KIAA0825: variants seen among roughly 807,000 people sequenced by gnomAD.
The protein encoded by KIAA0825 is uncharacterized protein KIAA0825.
KIAA0825 carries 119 observed loss-of-function variants against 147.6 expected under a neutral mutation model. The observed-to-expected ratio is 0.81, with a 90% CI of 0.69 to 0.94. The LOEUF (loss-of-function observed/expected upper bound fraction) is 0.94. Among genes scored for constraint, KIAA0825 ranks in the 40% least tolerant of loss-of-function variants. The pLI is 0.00. For missense variants in KIAA0825, 1,381 were observed against 1,472.7 expected, an observed-to-expected ratio of 0.94 and a Z score of 1.02; for synonymous variants, 470 against 518.1, an observed-to-expected ratio of 0.91 and a Z score of 1.26.
rs1197742824 is a variant in KIAA0825 at position 94,473,384 on chromosome 5, C to T, written c.1363G>A (p.Val455Met). The T allele has an allele frequency of 6.4e-7, 1 of 1,552,048 alleles. No individual in the cohort carries two copies. The highest frequency in any genetic ancestry group is 2.0e-5 in the Admixed American group (1 of 51,014). ...TTTACAAGGTTCATAGCATAGCTCA[C>T]AGCTGAAGACCTTTCATTCTGTTCC... Reference protein sequence around the residue: ...QQEQNERSSAVSYAMNLVNVQ... With the variant: ...QQEQNERSSAMSYAMNLVNVQ... Residue 455 changes from valine to methionine, a missense_variant, in exon 8 of 21, where the codon GTG (valine) becomes ATG (methionine). By Grantham distance (21) the Val-to-Met change is conservative (BLOSUM62 1). Transcript: ENST00000682413.
At chr5:94,529,722 T>C (rs948969215) in intron 3 of KIAA0825, among the ~76,000 whole-genome samples, 8 of 152,150 alleles carry the variant, frequency 5.3e-5, no homozygotes, top group Admixed American at 1.3e-4. Flanking sequence ...GTGTTACTTT[T>C]ATAATGCAAA....
intron 5 of KIAA0825, among the ~76,000 whole-genome samples, chr5:94,493,991 C>T (rs1207773741): frequency 6.6e-6 from 1 of 152,116 alleles, no homozygotes; most frequent in Non-Finnish European, 1.5e-5. Context: ...GGGGTCCAGA[C>T]AGTAAATATC....
intron 1 of KIAA0825, among the ~76,000 whole-genome samples, chr5:94,586,737 A>G (rs1450720974): frequency 6.6e-6 from 1 of 152,150 alleles, no homozygotes. Flanking sequence ...GAGACCCAAC[A>G]AAAAAAGAGA....
intron 14 of KIAA0825, among the ~76,000 whole-genome samples, chr5:94,429,698 C>A (rs931406023): frequency 6.6e-6 from 1 of 152,184 alleles, no homozygotes; most frequent in Non-Finnish European, 1.5e-5. Context: ...AAGGTGGAGC[C>A]AGACCAGGCA....
chr5:94,417,639 CA>C (rs1753638024), intron 14 of KIAA0825, among the ~76,000 whole-genome samples: 1 of 152,124 alleles, frequency 6.6e-6, no homozygotes, highest in African/African-American at 2.4e-5. Flanking sequence ...CTTCAAAGGT[CA>C]ACGCTAGTTT....
chr5:94,192,489 G>A (rs1473363862), intron 20 of KIAA0825, among the ~76,000 whole-genome samples: 2 of 152,116 alleles, frequency 1.3e-5, no homozygotes, highest in East Asian at 3.9e-4. Flanking sequence ...TTTATAGATT[G>A]TTATTTTGAG....
At chr5:94,217,650 A>G (rs911213938) in intron 20 of KIAA0825, among the ~76,000 whole-genome samples, 3 of 152,224 alleles carry the variant, frequency 2.0e-5, no homozygotes, top group Non-Finnish European at 2.9e-5. Context: ...ACCAGGGCAG[A>G]GAAGATAGAA....
chr5:94,364,803 T>C (rs573592944), intron 20 of KIAA0825, among the ~76,000 whole-genome samples: 1 of 152,276 alleles, frequency 6.6e-6, no homozygotes, highest in East Asian at 1.9e-4. Context: ...TTCCTTTTAA[T>C]GAAAAGCAGC....
intron 20 of KIAA0825, among the ~76,000 whole-genome samples, chr5:94,201,501 G>T (rs1771686624): frequency 6.6e-6 from 1 of 152,008 alleles, no homozygotes; most frequent in East Asian, 1.9e-4. Flanking sequence ...TTGATCCTTT[G>T]TGCTCAAGTG....
intron 20 of KIAA0825, among the ~76,000 whole-genome samples, chr5:94,345,608 T>C (rs922224509): frequency 2.8e-4 from 42 of 152,194 alleles, no homozygotes; most frequent in African/African-American, 9.9e-4. Flanking sequence ...TAAAAGTTTA[T>C]GGATAAATAT....
At position 94,386,381 on chromosome 5, in the gene KIAA0825, A is replaced by G. The variant is rs767025785; in HGVS notation, c.3480T>C (p.Phe1160=). The G allele has an allele frequency of 1.3e-6, 2 of 1,549,476 alleles. No homozygotes were observed. The highest frequency in any genetic ancestry group is 2.7e-5 in the African/African-American group (2 of 72,906). Residue 1160 remains phenylalanine (F), a synonymous_variant, in exon 19 of 21, where the codon TTT becomes TTC. Coordinates refer to ENST00000682413, the MANE Select transcript of KIAA0825 (RefSeq NM_001145678.3). ...LNEEYLKEQL[F]SMNSSEEKPL... ...GCTTTTCCTCTGAACTATTCATAGA[A>G]AACAGCTGTTCTTTTAAATATTCCT...
chr5:94,156,988 T>TAA (rs71615117), intron 20 of KIAA0825, among the ~76,000 whole-genome samples: 1 of 149,308 alleles, frequency 6.7e-6, no homozygotes, highest in African/African-American at 2.5e-5. Flanking sequence ...TCAATTCTGT[T>TAA]AAAAAAAAAA....
chr5:94,456,008 A>C (rs1333714922), intron 12 of KIAA0825, among the ~76,000 whole-genome samples: 1 of 152,122 alleles, frequency 6.6e-6, no homozygotes, highest in Non-Finnish European at 1.5e-5. Context: ...AGAGCTAGGA[A>C]AGGGAGGGTG....
intron 2 of KIAA0825, among the ~76,000 whole-genome samples, chr5:94,573,933 C>T (rs1237778235): frequency 6.6e-6 from 1 of 152,156 alleles, no homozygotes; most frequent in Non-Finnish European, 1.5e-5. Flanking sequence ...CCCCAGACCT[C>T]TTAGAAATTT....
chr5:94,468,763 C>T (rs1463079578), intron 10 of KIAA0825, among the ~76,000 whole-genome samples: 1 of 152,112 alleles, frequency 6.6e-6, no homozygotes, highest in Non-Finnish European at 1.5e-5. Context: ...TGCGAGGTGA[C>T]AGGAGCGATT....
chr5:94,573,267 A>ACT (rs1213283384), intron 2 of KIAA0825, among the ~76,000 whole-genome samples: 2 of 131,958 alleles, frequency 1.5e-5, no homozygotes, highest in East Asian at 4.6e-4. Flanking sequence ...GTTCTTTTTA[A>ACT]GTGTTTTTTT....
intron 1 of KIAA0825, among the ~76,000 whole-genome samples, chr5:94,589,559 T>C (rs1208834676): frequency 1.3e-5 from 2 of 152,216 alleles, no homozygotes; most frequent in Non-Finnish European, 2.9e-5. Flanking sequence ...ATTTCACTTA[T>C]TGAGGTCTTA....
intron 13 of KIAA0825, 93 bp downstream of exon 13, chr5:94,452,866 T>C: frequency 1.6e-6 from 1 of 619,068 alleles, no homozygotes; most frequent in Admixed American, 4.2e-5. Context: ...TTTTGTAAGA[T>C]ATAAGTTCGT....
chr5:94,176,262 C>T lies in KIAA0825; in HGVS notation c.3711-22138G>A, dbSNP rs138116390. 1.4e-3 allele frequency among the ~76,000 whole-genome samples: 214 copies of T among 152,264 alleles called. 1 individual carries two copies. Among genetic ancestry groups the T allele is most frequent in the African/African-American group, 4.3e-3 (178 of 41,556 alleles). Reference sequence around the variant, plus strand: ...TGGCCTCCCTGGTTTCTCTCTCTTGCTTGCTCTCTCACCATGTGATCTCTT... The same window carrying T: ...TGGCCTCCCTGGTTTCTCTCTCTTGTTTGCTCTCTCACCATGTGATCTCTT... On this transcript the variant is annotated intron_variant, in intron 20 of 20. Coordinates refer to ENST00000682413, the MANE Select transcript of KIAA0825 (RefSeq NM_001145678.3).
Sources: gnomAD v4.1 joint callset for allele counts (sites outside exome capture counted in the v4.1 genomes callset) on GRCh38, gnomAD v4.1.1 for gene constraint, MANE v1.5 for transcripts, NCBI Gene and HGNC (gene_info 2026-07-23, HGNC 2026-07-21) for gene names.